Variants in PCSK6 observed in about 807,000 individuals in gnomAD.
The protein encoded by PCSK6 is proprotein convertase subtilisin/kexin type 6.
PCSK6 carries 85 observed loss-of-function variants against 123.3 expected under a neutral mutation model. The observed-to-expected ratio is 0.69, with a 90% CI of 0.58 to 0.83. The LOEUF is 0.83. Among genes scored for constraint, PCSK6 ranks in the 40% least tolerant of loss-of-function variants. The probability of loss-of-function intolerance (pLI) is 0.00; values close to 1 mark genes in which losing one functional copy is unlikely to be tolerated. For synonymous variants in PCSK6, 508 were observed against 516.0 expected (o/e 0.98, Z 0.21); for missense variants, 1,191 against 1,282.3 (o/e 0.93, Z 1.09).
At chr15:101,447,763 G>C (rs1006424441) in intron 1 of PCSK6, among the ~76,000 whole-genome samples, 2 of 152,224 alleles carry the variant, frequency 1.3e-5, no homozygotes, top group Non-Finnish European at 2.9e-5. Flanking sequence ...CTGTGGCCTC[G>C]GACGGTGTCC....
intron 3 of PCSK6, 140 bp downstream of exon 3, chr15:101,431,850 T>C (rs12902244): frequency 0.1 from 70,274 of 696,360 alleles, 3,977 homozygotes; most frequent in African/African-American, 0.14. Context: ...AGCCTTGCGG[T>C]AGTGGTTTTA....
chr15:101,347,728 A>G (rs762054918), intron 13 of PCSK6: 2 of 1,613,834 alleles, frequency 1.2e-6, no homozygotes, highest in Admixed American at 1.7e-5. Context: ...AGAGATTACC[A>G]AAGCTCTTGT....
intron 2 of PCSK6, among the ~76,000 whole-genome samples, chr15:101,442,871 C>T (rs929142782): frequency 1.3e-5 from 2 of 152,174 alleles, no homozygotes; most frequent in Admixed American, 1.3e-4. Flanking sequence ...TTTCTGTCAG[C>T]CCTGCCGCCA....
intron 15 of PCSK6, among the ~76,000 whole-genome samples, chr15:101,329,925 G>A (rs1371505890): frequency 3.9e-5 from 6 of 152,202 alleles, no homozygotes; most frequent in African/African-American, 1.4e-4. Context: ...CACGGTGCCT[G>A]CAGGCACCTA....
chr15:101,418,379 C>G (rs1442784078), intron 6 of PCSK6, among the ~76,000 whole-genome samples: 1 of 152,160 alleles, frequency 6.6e-6, no homozygotes, highest in Non-Finnish European at 1.5e-5. Context: ...AACACAGAAA[C>G]TGTGATTCTA....
At position 101,313,569 on chromosome 15, in the gene PCSK6, T is replaced by G. The variant is rs145511418; in HGVS notation, c.2570-64A>C. On this transcript the variant is annotated intron_variant, in intron 19 of 21. Transcript: ENST00000611716. ...CTGGCAGAAGACCATGCCCCAGGCCTGCTTCAGGGCCTTGTGAGATCAGGG... is the reference window on the plus strand; with the variant it reads ...CTGGCAGAAGACCATGCCCCAGGCCGGCTTCAGGGCCTTGTGAGATCAGGG... 4,641 of 1,543,404 alleles carry G rather than the reference T, an allele frequency of 3.0e-3. 11 individuals are homozygous for G. The highest frequency in any genetic ancestry group is 3.7e-3 in the Non-Finnish European group (4,233 of 1,150,148).
chr15:101,453,837 G>A (rs538443175), intron 1 of PCSK6, among the ~76,000 whole-genome samples: 6 of 152,308 alleles, frequency 3.9e-5, no homozygotes, highest in African/African-American at 1.2e-4. Context: ...GAGAGGCTCC[G>A]GTACGAGTCC....
chr15:101,354,883 A>C (rs1027314035), intron 13 of PCSK6, among the ~76,000 whole-genome samples: 6 of 152,244 alleles, frequency 3.9e-5, no homozygotes, highest in Non-Finnish European at 7.3e-5. Context: ...CATGATATGC[A>C]TCACTAGCAA....
In PCSK6 at chr15:101,458,321, A is replaced by C. The variant is rs981375747; in HGVS notation, c.298-14661T>G. Among the ~76,000 whole-genome samples the C allele has an allele frequency of 5.3e-5, 8 of 152,202 alleles. 1 individual carries two copies. Among genetic ancestry groups the C allele is most frequent in the Admixed American group, 5.2e-4 (8 of 15,286 alleles). On this transcript the variant is annotated intron_variant, in intron 1 of 21. Transcript: ENST00000611716. The stretch of plus-strand genomic sequence containing the variant: ...CCCAGTGGGTTTGAGTCTCTGCAGC[A>C]GACAGCGCACATGTTGAAAGGGGTT...
At chr15:101,323,749 G>A (rs906650192) in intron 17 of PCSK6, among the ~76,000 whole-genome samples, 2 of 151,780 alleles carry the variant, frequency 1.3e-5, no homozygotes, top group African/African-American at 4.8e-5. Flanking sequence ...AAAAAAAAGG[G>A]GGTGTCTTGT....
chr15:101,453,251 C>G (rs7162416), intron 1 of PCSK6, among the ~76,000 whole-genome samples: 46,878 of 152,148 alleles, frequency 0.31, 8,335 homozygotes, highest in Non-Finnish European at 0.41. Flanking sequence ...CAGGTGACCT[C>G]TGGGGTAGGG....
intron 16 of PCSK6, among the ~76,000 whole-genome samples, chr15:101,325,285 G>T (rs1472749741): frequency 6.6e-6 from 1 of 152,180 alleles, no homozygotes; most frequent in African/African-American, 2.4e-5. Context: ...GGTCCTGAGG[G>T]TGCGCATGGT....
rs2042488552 is a variant in PCSK6, at chr15:101,398,556, C to A, written c.844G>T (p.Asp282Tyr). The change falls in exon 7 of 22, where the codon GAT (aspartate) becomes TAT (tyrosine). Residue 282 changes from aspartate to tyrosine, a missense_variant. By Grantham distance (160) the Asp-to-Tyr change is radical (BLOSUM62 -3). Transcript: ENST00000611716. This position sits in a 1 kb window ranked among gnomAD's most constrained non-coding sequence, Gnocchi z 4.6. ...KIGGIRMLDGDVTDVVEAKSL... is the reference protein window; with the variant it reads ...KIGGIRMLDGYVTDVVEAKSL... ...TTTGCCTCGACCACATCTGTGACAT[C>A]GCCGTCCAGCATGCGGATGCCTGAA... The A allele has an allele frequency of 1.9e-6, 3 of 1,612,758 alleles. No individual in the cohort carries two copies. The highest frequency in any genetic ancestry group is 2.5e-6 in the Non-Finnish European group (3 of 1,179,234).
At chr15:101,334,591 T>A (rs562406110) in intron 13 of PCSK6, 1 of 152,268 alleles carries the variant, frequency 6.6e-6, no homozygotes, top group Non-Finnish European at 1.5e-5. Context: ...ATCCGAGCAC[T>A]TTAACCACCA....
intron 6 of PCSK6, among the ~76,000 whole-genome samples, chr15:101,421,751 G>GA (rs2056091663): frequency 6.6e-6 from 1 of 152,160 alleles, no homozygotes; most frequent in African/African-American, 2.4e-5. Flanking sequence ...CCCTGAATCA[G>GA]AAACATTCAG....
intron 1 of PCSK6, among the ~76,000 whole-genome samples, chr15:101,465,645 C>T (rs1381924992): frequency 6.6e-6 from 1 of 151,070 alleles, no homozygotes; most frequent in African/African-American, 2.4e-5. Flanking sequence ...ACAGAGGAAG[C>T]GCTAACTGAA....
At chr15:101,388,480 G>A (rs978427352) in intron 9 of PCSK6, among the ~76,000 whole-genome samples, 1 of 151,896 alleles carries the variant, frequency 6.6e-6, no homozygotes, top group South Asian at 2.1e-4. Flanking sequence ...CGGTTAACTT[G>A]CTTTTCTTTC....
intron 16 of PCSK6, among the ~76,000 whole-genome samples, chr15:101,325,440 G>A (rs2040230482): frequency 6.6e-6 from 1 of 152,226 alleles, no homozygotes; most frequent in Non-Finnish European, 1.5e-5. Flanking sequence ...TGGCCAGTGA[G>A]TGCGCTGTGG....
At chr15:101,355,861 AACC>A (rs1221642232) in intron 13 of PCSK6, among the ~76,000 whole-genome samples, 1 of 152,150 alleles carries the variant, frequency 6.6e-6, no homozygotes, top group East Asian at 1.9e-4. Context: ...GTTCAGGTGC[AACC>A]ACCAACGTAG....
Sources: gnomAD v4.1 joint callset for allele counts (sites outside exome capture counted in the v4.1 genomes callset) on GRCh38, gnomAD v4.1.1 for gene constraint, Gnocchi (gnomAD v3.1) non-coding constraint, MANE v1.5 for transcripts, NCBI Gene and HGNC (gene_info 2026-07-23, HGNC 2026-07-21) for gene names.